The following EFCAB10 variants were observed in gnomAD, a reference collection of about 807,000 sequenced individuals.
EFCAB10 encodes EF-hand calcium binding domain 10.
Under a neutral mutation model 7.7 loss-of-function variants are expected in EFCAB10, and 7 were observed. The observed-to-expected ratio is 0.91, with a 90% CI of 0.52 to 1.72. The LOEUF is 1.72. EFCAB10 is among the 40% of genes most tolerant of loss of function. The probability of loss-of-function intolerance (pLI) is 0.00; values close to 1 mark genes in which losing one functional copy is unlikely to be tolerated. For missense variants in EFCAB10, 112 were observed against 61.5 expected (o/e 1.82, Z -2.74); for synonymous variants, 52 against 21.0 (o/e 2.47, Z -4.03).
In EFCAB10 at chr7:105,580,867, G is replaced by C. The variant is rs185902846; in HGVS notation, c.106+491C>G. ...GGTTCAGATGTGTAAAAAAAGTCAG[G>C]AAAAGCGATCCCCTCTAGAACATCT... is the stretch of plus-strand genomic sequence containing the variant. On this transcript the variant is annotated intron_variant, in intron 1 of 4. Transcript: ENST00000480514. Among the ~76,000 whole-genome samples the C allele has an allele frequency of 2.9e-3, 449 of 152,204 alleles. 9 individuals carry two copies. Among genetic ancestry groups the C allele is most frequent in the Non-Finnish European group, 2.5e-3 (173 of 68,012 alleles).
intron 1 of EFCAB10, among the ~76,000 whole-genome samples, chr7:105,570,573 T>TA (rs1187060627): frequency 6.6e-6 from 1 of 151,848 alleles, no homozygotes; most frequent in East Asian, 1.9e-4. Context: ...GCTTTACTCT[T>TA]ACATTTTTTT....
Position 105,577,843 on chromosome 7 carries a change from C to G in EFCAB10, c.106+3515G>C, listed in dbSNP as rs1030493597. ...AAGCGATTCTCCTGTCTCAGCCTCC[C>G]GAATAACTGATTACAAGCATGTGCC... On this transcript the variant is annotated intron_variant, in intron 1 of 4. Transcript: ENST00000480514. 4.6e-5 allele frequency among the ~76,000 whole-genome samples: 7 copies of G among 152,098 alleles called. No homozygotes were observed. The East Asian group carries it at 9.6e-4, about 21-fold the overall frequency.
rs998472789 is a variant in EFCAB10, at chr7:105,567,452, T to C, written c.383+15A>G. The C allele has an allele frequency of 1.4e-5, 10 of 734,476 alleles. No homozygotes were observed. The highest frequency in any genetic ancestry group is 2.2e-5 in the Non-Finnish European group (9 of 418,204). The allele number at this position is 734,476 out of a possible 1,614,324, so 45.5% of individuals were successfully genotyped here. A position where few individuals can be genotyped will look rare whatever the true frequency, so the allele number is the denominator to read the frequency against. On this transcript the variant is annotated intron_variant, in intron 4 of 4. Coordinates refer to ENST00000480514, the MANE Select transcript of EFCAB10 (RefSeq NM_001355526.2). ...ACTTATTATCTTGGATTTATGGTGT[T>C]ATTAAAATGCTGACCATATTTCCTT...
chr7:105,570,318 T>G (rs543688134), intron 1 of EFCAB10, among the ~76,000 whole-genome samples: 2 of 128,162 alleles, frequency 1.6e-5, no homozygotes, highest in South Asian at 5.0e-4. Context: ...TATATATAAA[T>G]ATAATAAAAA....
At chr7:105,568,280 A>G (rs955875159) in intron 3 of EFCAB10, among the ~76,000 whole-genome samples, 6 of 152,162 alleles carry the variant, frequency 3.9e-5, no homozygotes, top group Admixed American at 2.6e-4. Flanking sequence ...GGTATATTCA[A>G]TAATAGTTAC....
At position 105,565,274 on chromosome 7, in the gene EFCAB10, C is replaced by T. The variant is rs772098271; in HGVS notation, c.*173G>A. The T allele has an allele frequency of 7.7e-6, 12 of 1,557,440 alleles. No individual in the cohort carries two copies. Among genetic ancestry groups the T allele is most frequent in the Non-Finnish European group, 1.0e-5 (12 of 1,152,326 alleles). On this transcript the variant is annotated 3_prime_UTR_variant, in exon 5 of 5. Transcript: ENST00000480514. ...TTTTTTGGTAAAAATGTGTTTTTTCCAGATGGTTGTCCTTGCCATCTCAGT... is the reference window on the plus strand; with the variant it reads ...TTTTTTGGTAAAAATGTGTTTTTTCTAGATGGTTGTCCTTGCCATCTCAGT...
At chr7:105,581,278 G>T (rs936532991) in intron 1 of EFCAB10, 80 bp downstream of exon 1, 2 of 672,076 alleles carry the variant, frequency 3.0e-6, no homozygotes, top group Non-Finnish European at 5.4e-6. Flanking sequence ...AGTGGAAAGC[G>T]AATGTGTAAG....
In EFCAB10 at chr7:105,581,355, T is replaced by C. The variant is rs1301439215; in HGVS notation, c.106+3A>G. 2.8e-6 allele frequency: 2 copies of C among 702,876 alleles called. No individual in the cohort carries two copies. The highest frequency in any genetic ancestry group is 5.2e-6 in the Non-Finnish European group (2 of 384,936). The allele number at this position is 702,876 out of a possible 1,614,324, so 43.5% of individuals were successfully genotyped here. A position where few individuals can be genotyped will look rare whatever the true frequency, so the allele number is the denominator to read the frequency against. Reference sequence around the variant, plus strand: ...GGCTGTACCGGGGCATGGGGGCCCTTACCCGGCCGAAAGAAAAGGAGGGCG... The same window carrying C: ...GGCTGTACCGGGGCATGGGGGCCCTCACCCGGCCGAAAGAAAAGGAGGGCG... On this transcript the variant is annotated splice_donor_region_variant and intron_variant, in intron 1 of 4. Transcript: ENST00000480514.
intron 1 of EFCAB10, among the ~76,000 whole-genome samples, chr7:105,570,059 G>C (rs919731323): frequency 3.3e-5 from 5 of 150,042 alleles, no homozygotes; most frequent in African/African-American, 7.3e-5. Flanking sequence ...CCCATCTCTA[G>C]TAAAGTTAGC....
intron 4 of EFCAB10, chr7:105,567,025 C>A: frequency 1.6e-6 from 1 of 641,770 alleles, no homozygotes; most frequent in Non-Finnish European, 2.5e-6. Flanking sequence ...TGTGGACCAG[C>A]AGTGCAGAGA....
At position 105,565,508 on chromosome 7, in the gene EFCAB10, T is replaced by C. The variant is rs861761; in HGVS notation, c.*-61A>G. The C allele has an allele frequency of 0.068, 108,944 of 1,609,636 alleles. 4,697 individuals are homozygous for C. The highest frequency in any genetic ancestry group is 0.21 in the African/African-American group (15,779 of 74,832). ...GCTGTGATAATAAAGACAACTGTTA[T>C]ATGAATTATTCTTTGTTTCAGATAA... On this transcript the variant is annotated intron_variant, in intron 4 of 4. Transcript: ENST00000480514.
intron 1 of EFCAB10, among the ~76,000 whole-genome samples, chr7:105,570,211 C>CAAAAAAAAAAAAAAAAA (rs1178986135): frequency 5.8e-5 from 1 of 17,354 alleles, no homozygotes; most frequent in Non-Finnish European, 1.1e-4. Flanking sequence ...AAGACTCTCT[C>CAAAAAAAAAAAAAAAAA]AAAAAAAAAA....
intron 4 of EFCAB10, among the ~76,000 whole-genome samples, chr7:105,565,937 A>G (rs1477678478): frequency 6.6e-6 from 1 of 152,180 alleles, no homozygotes; most frequent in East Asian, 1.9e-4. Flanking sequence ...ATAAATAGAA[A>G]ATGAAAACAA....
intron 3 of EFCAB10, 160 bp from the exon 4 acceptor site, chr7:105,567,650 C>T: frequency 5.7e-6 from 3 of 528,230 alleles, no homozygotes; most frequent in Non-Finnish European, 1.0e-5. Flanking sequence ...GATAATCAAA[C>T]ATAGCCAATA....
chr7:105,565,991 C>G (rs947600968), intron 4 of EFCAB10, among the ~76,000 whole-genome samples: 2 of 152,060 alleles, frequency 1.3e-5, no homozygotes, highest in Non-Finnish European at 2.9e-5. Context: ...ATTACAGGGC[C>G]GGGCGTGGTG....
chr7:105,569,026 T>G (rs1791867171), intron 3 of EFCAB10, among the ~76,000 whole-genome samples, 177 bp downstream of exon 3: 1 of 151,988 alleles, frequency 6.6e-6, no homozygotes, highest in Non-Finnish European at 1.5e-5. Context: ...TCCCTTCCTA[T>G]TCCCAAGTTT....
rs540318781 is a variant in EFCAB10, at chr7:105,567,270, C to G, written c.383+197G>C. The G allele has an allele frequency of 2.5e-6, 4 of 1,609,128 alleles. No homozygotes were observed. The African/African-American group carries it at 5.3e-5, about 22-fold the overall frequency. On this transcript the variant is annotated intron_variant, in intron 4 of 4. Coordinates refer to ENST00000480514, the MANE Select transcript of EFCAB10 (RefSeq NM_001355526.2). ...ACTGGCTCAACAAGATGTTGAGATTCTACTTAATTTGAGGACAAATTGGCC... is the reference window on the plus strand; with the variant it reads ...ACTGGCTCAACAAGATGTTGAGATTGTACTTAATTTGAGGACAAATTGGCC...
rs1344194028 is a variant in EFCAB10 at position 105,581,445 on chromosome 7, C to G, written c.19G>C (p.Glu7Gln). The G allele has an allele frequency of 1.4e-6, 1 of 703,138 alleles. No individual in the cohort carries two copies. 43.6% of individuals were successfully genotyped at this position (703,138 alleles called of 1,614,324 possible). The stretch of plus-strand genomic sequence containing the variant: ...TCCAAATACTCCGCGGCTTGGAGCT[C>G]CCTGCTGCTGGTCTCCATCGCTCCG... METSSR[E>Q]LQAAEYLEKH... Residue 7 changes from glutamate to glutamine, a missense_variant, in exon 1 of 5, where the codon GAG becomes CAG. Coordinates refer to ENST00000480514, the MANE Select transcript of EFCAB10 (RefSeq NM_001355526.2).
intron 4 of EFCAB10, 137 bp downstream of exon 4, chr7:105,567,330 T>G: frequency 6.5e-7 from 1 of 1,545,490 alleles, no homozygotes; most frequent in Non-Finnish European, 8.8e-7. Flanking sequence ...AGAAAAAGGT[T>G]TCTTTGGTTT....
Sources: allele counts gnomAD v4.1 joint callset (sites outside exome capture counted in the v4.1 genomes callset), GRCh38; gene constraint gnomAD v4.1.1; transcripts MANE v1.5; gene names NCBI Gene and HGNC (gene_info 2026-07-23, HGNC 2026-07-21).